SH3PXD2B: variants seen among roughly 807,000 people sequenced by gnomAD.
SH3PXD2B encodes the protein SH3 and PX domains 2B, also known as SH3 and PX domain-containing protein 2B.
In SH3PXD2B, 37 loss-of-function variants were observed where a neutral mutation model predicts 73.1. The observed-to-expected ratio is 0.51, with a 90% CI of 0.39 to 0.67. The LOEUF (loss-of-function observed/expected upper bound fraction) is 0.67. Among genes scored for constraint, SH3PXD2B ranks in the 30% least tolerant of loss-of-function variants. SH3PXD2B has a pLI of 0.00. For missense variants in SH3PXD2B, 1,053 were observed against 1,197.8 expected (o/e 0.88, Z 1.78); for synonymous variants, 457 against 480.5 (o/e 0.95, Z 0.64).
intron 4 of SH3PXD2B, among the ~76,000 whole-genome samples, chr5:172,392,098 AC>A (rs1167134579): frequency 6.7e-6 from 1 of 148,968 alleles, no homozygotes. Context: ...TTTGCTCTCC[AC>A]CCCCTATTTA....
chr5:172,366,993 G>GA, intron 6 of SH3PXD2B, among the ~76,000 whole-genome samples: 1 of 136,544 alleles, frequency 7.3e-6, no homozygotes, highest in African/African-American at 2.8e-5. Context: ...CTGGAGTACA[G>GA]TGGCACGATC....
intron 6 of SH3PXD2B, among the ~76,000 whole-genome samples, chr5:172,366,037 C>T (rs1184833344): frequency 2.0e-5 from 3 of 152,316 alleles, no homozygotes; most frequent in African/African-American, 2.4e-5. Context: ...AGAGAAAAAG[C>T]ACCCACTTCA....
chr5:172,395,418 T>A (rs193081016), intron 3 of SH3PXD2B, among the ~76,000 whole-genome samples: 3 of 152,248 alleles, frequency 2.0e-5, no homozygotes, highest in African/African-American at 7.2e-5. Flanking sequence ...TCACCAAATA[T>A]TAACTGAGAG....
intron 5 of SH3PXD2B, among the ~76,000 whole-genome samples, chr5:172,379,589 T>G (rs1342300828): frequency 6.6e-6 from 1 of 152,188 alleles, no homozygotes; most frequent in African/African-American, 2.4e-5. Flanking sequence ...CTGGGCATCT[T>G]GATCAACTCT....
At chr5:172,363,108 C>T (rs947491926) in intron 6 of SH3PXD2B, among the ~76,000 whole-genome samples, 2 of 152,174 alleles carry the variant, frequency 1.3e-5, no homozygotes, top group African/African-American at 4.8e-5. Context: ...ATGGTACCTG[C>T]TCTGAAGATG....
intron 7 of SH3PXD2B, among the ~76,000 whole-genome samples, chr5:172,359,495 C>A (rs1404545148): frequency 1.3e-5 from 2 of 151,492 alleles, no homozygotes; most frequent in Non-Finnish European, 2.9e-5. Context: ...ATCATCCCAA[C>A]TGCACACATG....
chr5:172,426,753 T>C (rs1367626403), intron 1 of SH3PXD2B, among the ~76,000 whole-genome samples: 1 of 152,132 alleles, frequency 6.6e-6, no homozygotes. Context: ...CAGTGGCTGC[T>C]GGGAGAACCT....
intron 12 of SH3PXD2B, among the ~76,000 whole-genome samples, chr5:172,342,220 A>ATTTTG (rs1254115062): frequency 6.6e-6 from 1 of 152,266 alleles, no homozygotes; most frequent in East Asian, 1.9e-4. Context: ...CCAGTCTGGT[A>ATTTTG]TTTTGTTATG....
At chr5:172,402,227 C>T (rs1438472672) in intron 3 of SH3PXD2B, among the ~76,000 whole-genome samples, 3 of 152,194 alleles carry the variant, frequency 2.0e-5, no homozygotes, top group African/African-American at 7.2e-5. Context: ...TCTCCTGTAG[C>T]ACTCCCAGGC....
chr5:172,424,799 C>G (rs1017385866), intron 1 of SH3PXD2B, among the ~76,000 whole-genome samples: 11 of 152,096 alleles, frequency 7.2e-5, no homozygotes, highest in Non-Finnish European at 8.8e-5. Context: ...AAAATGGGGT[C>G]ATCAAGCATA....
At chr5:172,448,609 C>T (rs549121262) in intron 1 of SH3PXD2B, among the ~76,000 whole-genome samples, 22 of 152,316 alleles carry the variant, frequency 1.4e-4, no homozygotes, top group East Asian at 5.8e-4. Flanking sequence ...ATGAAGGTAA[C>T]GGTGGGTTGG....
intron 8 of SH3PXD2B, among the ~76,000 whole-genome samples, chr5:172,354,712 G>T (rs116757628): frequency 6.6e-6 from 1 of 152,264 alleles, no homozygotes; most frequent in African/African-American, 2.4e-5. Context: ...TCATTACCTT[G>T]CCGGCAGCTG....
chr5:172,408,601 T>C (rs1456873306), intron 2 of SH3PXD2B, among the ~76,000 whole-genome samples: 1 of 139,560 alleles, frequency 7.2e-6, no homozygotes, highest in African/African-American at 2.7e-5. Context: ...TGCAATGGCA[T>C]GGTCTTGGTT....
chr5:172,348,654 C>CCTATCTATCTATCTAT (rs55939833), intron 10 of SH3PXD2B, among the ~76,000 whole-genome samples: 20 of 60,448 alleles, frequency 3.3e-4, no homozygotes, highest in Middle Eastern at 8.6e-3. Flanking sequence ...ATCTATCTAT[C>CCTATCTATCTATCTAT]CTATCTATCT....
intron 1 of SH3PXD2B, among the ~76,000 whole-genome samples, chr5:172,427,779 AT>A (rs112469816): frequency 0.02 from 2,719 of 138,750 alleles, 54 homozygotes; most frequent in African/African-American, 0.061. Flanking sequence ...TGTTACCACG[AT>A]TTTTTTTTTT....
At chr5:172,439,150 G>T (rs1170119895) in intron 1 of SH3PXD2B, among the ~76,000 whole-genome samples, 2 of 149,844 alleles carry the variant, frequency 1.3e-5, no homozygotes, top group African/African-American at 4.9e-5. Context: ...TAAGGTGGGA[G>T]AATCACTTGA....
At chr5:172,450,539 C>T (rs184161920) in intron 1 of SH3PXD2B, among the ~76,000 whole-genome samples, 7 of 152,104 alleles carry the variant, frequency 4.6e-5, no homozygotes, top group African/African-American at 1.4e-4. Context: ...CCCAGTGCCC[C>T]GCTCAGGTTA....
At position 172,338,080 on chromosome 5, in the gene SH3PXD2B, C is replaced by A. The variant is rs1000179261; in HGVS notation, c.*289G>T. ...GAGTCTTGGTCCCACTGCTGGGTGGCAATGCCATTGGCCAGGAGGAGTTCT... is the reference window on the plus strand; with the variant it reads ...GAGTCTTGGTCCCACTGCTGGGTGGAAATGCCATTGGCCAGGAGGAGTTCT... On this transcript the variant is annotated 3_prime_UTR_variant, in exon 13 of 13. Transcript: ENST00000311601. This position sits in a 1 kb window ranked among gnomAD's most constrained non-coding sequence, Gnocchi z 5.1. 6 of 1,335,972 alleles carry A rather than the reference C, an allele frequency of 4.5e-6. No individual in the cohort carries two copies. Among genetic ancestry groups the A allele is most frequent in the Non-Finnish European group, 5.8e-6 (6 of 1,038,912 alleles). 82.8% of individuals were successfully genotyped at this position (1,335,972 alleles called of 1,614,324 possible).
chr5:172,453,836 C>T (rs866673032), intron 1 of SH3PXD2B, among the ~76,000 whole-genome samples: 11 of 152,152 alleles, frequency 7.2e-5, no homozygotes, highest in Non-Finnish European at 1.3e-4. Context: ...GAGGGGCTAC[C>T]TGTGGCTGGG....
Sources: allele counts gnomAD v4.1 joint callset (sites outside exome capture counted in the v4.1 genomes callset), GRCh38; gene constraint gnomAD v4.1.1; non-coding constraint Gnocchi (gnomAD v3.1); transcripts MANE v1.5; gene names NCBI Gene and HGNC (gene_info 2026-07-23, HGNC 2026-07-21).